Variants in INSR observed in about 807,000 individuals in gnomAD.
INSR encodes the protein IR.
A neutral mutation model predicts 142.6 loss-of-function variants in INSR; 67 were observed. The ratio of observed to expected loss-of-function variants is 0.47; its 90% CI spans 0.39 to 0.58. The LOEUF is 0.58. Among genes scored for constraint, INSR ranks in the 20% least tolerant of loss-of-function variants. The pLI is 0.00. For synonymous variants in INSR, 756 were observed against 743.1 expected (o/e 1.02, Z -0.28); for missense variants, 1,248 against 1,833.2 (o/e 0.68, Z 5.83).
Position 7,199,102 on chromosome 19 carries a change from A to C in INSR, c.653-14465T>G, listed in dbSNP as rs913235966. Among the ~76,000 whole-genome samples, 13 of 152,108 alleles carry C rather than the reference A, an allele frequency of 8.5e-5. No individual in the cohort carries two copies. The South Asian group carries it at 1.2e-3, about 15-fold the overall frequency. ...GGACTCGTTGCCCAGGCTGGTTTAGAACTCCTGGCCTCAAGTGATCCTCTT... is the reference window on the plus strand; with the variant it reads ...GGACTCGTTGCCCAGGCTGGTTTAGCACTCCTGGCCTCAAGTGATCCTCTT... On this transcript the variant is annotated intron_variant, in intron 2 of 21. Coordinates refer to ENST00000302850, the MANE Select transcript of INSR (RefSeq NM_000208.4).
At chr19:7,172,636 T>G (rs1315203776) in intron 4 of INSR, among the ~76,000 whole-genome samples, 1 of 152,196 alleles carries the variant, frequency 6.6e-6, no homozygotes, top group Admixed American at 6.5e-5. Context: ...ACCTTGGCAC[T>G]GGCTGCGTCT....
chr19:7,176,578 G>A (rs955403444), intron 3 of INSR, among the ~76,000 whole-genome samples: 18 of 152,178 alleles, frequency 1.2e-4, no homozygotes, highest in African/African-American at 4.1e-4. Context: ...CCCAGCCTGG[G>A]TGACAGAGTG....
intron 2 of INSR, among the ~76,000 whole-genome samples, chr19:7,234,808 C>A (rs1976106596): frequency 6.6e-6 from 1 of 151,954 alleles, no homozygotes. Context: ...GCCTGTAATC[C>A]CAACACTTTG....
Position 7,213,760 on chromosome 19 carries a change from C to A in INSR, c.653-29123G>T, listed in dbSNP as rs563379436. Among the ~76,000 whole-genome samples, 116 of 152,324 alleles carry A rather than the reference C, an allele frequency of 7.6e-4. 1 individual carries two copies. Among genetic ancestry groups the A allele is most frequent in the African/African-American group, 2.7e-3 (111 of 41,562 alleles). On this transcript the variant is annotated intron_variant, in intron 2 of 21. Coordinates refer to ENST00000302850, the MANE Select transcript of INSR (RefSeq NM_000208.4). ...ATCCCAGCCCTTTGGGAGGCTGAGG[C>A]TGGTGAGTCACGAAGTCAGGAGTTC...
At chr19:7,202,817 T>C (rs1185446089) in intron 2 of INSR, among the ~76,000 whole-genome samples, 1 of 152,090 alleles carries the variant, frequency 6.6e-6, no homozygotes, top group Non-Finnish European at 1.5e-5. Flanking sequence ...GGTTTTTTTG[T>C]TTTTGTTTTT....
In INSR at chr19:7,125,527, A is replaced by G; in HGVS notation, c.3014T>C (p.Val1005Ala). Residue 1005 changes from valine to alanine, a missense_variant and splice_region_variant, in exon 17 of 22, where the codon GTG becomes GCG. This residue lies in a region of INSR where 1,069 missense variants were observed against 1,654.0 expected (regional missense o/e 0.65). Coordinates refer to ENST00000302850, the MANE Select transcript of INSR (RefSeq NM_000208.4). This position sits in a 1 kb window ranked among gnomAD's most constrained non-coding sequence, Gnocchi z 4.9. ...CGGCACGTACACAGAGCATGGAAAC[A>G]CTACTTCTTACTTATCTACACAGCA... ...SNPEYLSASD[V>A]FPCSVYVPDE... The G allele has an allele frequency of 6.2e-7, 1 of 1,613,082 alleles. No homozygotes were observed. Among genetic ancestry groups the G allele is most frequent in the Non-Finnish European group, 8.5e-7 (1 of 1,179,946 alleles).
chr19:7,286,735 C>T (rs928644411), intron 1 of INSR, among the ~76,000 whole-genome samples: 2 of 151,568 alleles, frequency 1.3e-5, no homozygotes, highest in African/African-American at 4.8e-5. Flanking sequence ...TTCCTTTCTA[C>T]ACTTTTGTAA....
chr19:7,220,477 C>T lies in INSR; in HGVS notation c.653-35840G>A, dbSNP rs1193908401. ...CTAATTTTTGTATTTTAAGTAGAGA[C>T]GGGGTTTCGCCATGTTGGCCAGGCT... is the stretch of plus-strand genomic sequence containing the variant. On this transcript the variant is annotated intron_variant, in intron 2 of 21. Coordinates refer to ENST00000302850, the MANE Select transcript of INSR (RefSeq NM_000208.4). 5.3e-5 allele frequency among the ~76,000 whole-genome samples: 8 copies of T among 152,130 alleles called. 2 individuals carry two copies. The highest frequency in any genetic ancestry group is 2.6e-4 in the Admixed American group (4 of 15,268).
chr19:7,265,187 G>A (rs1242474506), intron 2 of INSR, among the ~76,000 whole-genome samples: 1 of 152,152 alleles, frequency 6.6e-6, no homozygotes, highest in African/African-American at 2.4e-5. Context: ...TTGCCTCCTT[G>A]AGCATGAAAA....
At chr19:7,272,124 G>A (rs1035250678) in intron 1 of INSR, among the ~76,000 whole-genome samples, 2 of 152,128 alleles carry the variant, frequency 1.3e-5, no homozygotes, top group African/African-American at 4.8e-5. Flanking sequence ...CCAACATGGT[G>A]AAACCCCATC....
chr19:7,224,662 G>C (rs1376924838), intron 2 of INSR, among the ~76,000 whole-genome samples: 1 of 152,190 alleles, frequency 6.6e-6, no homozygotes. Context: ...TGGGCGAAGG[G>C]GCCAAGAAGC....
chr19:7,162,326 CAAAAAAA>C (rs34182944), intron 9 of INSR, among the ~76,000 whole-genome samples: 1 of 63,098 alleles, frequency 1.6e-5, no homozygotes, highest in South Asian at 5.1e-4. Context: ...GACCCTGTCT[CAAAAAAA>C]AAAAAAAAAA....
intron 2 of INSR, among the ~76,000 whole-genome samples, chr19:7,233,486 C>T (rs17175790): frequency 0.063 from 9,511 of 151,998 alleles, 371 homozygotes; most frequent in Non-Finnish European, 0.086. Flanking sequence ...TCAGAAACTT[C>T]TACAAGCAAG....
chr19:7,218,251 G>A (rs1216615939), intron 2 of INSR, among the ~76,000 whole-genome samples: 3 of 151,934 alleles, frequency 2.0e-5, no homozygotes, highest in Non-Finnish European at 2.9e-5. Flanking sequence ...CTAGTGGGGG[G>A]AGGCCAGGGA....
chr19:7,151,162 C>CTTTCTT (rs1359040007), intron 10 of INSR, among the ~76,000 whole-genome samples: 1,427 of 45,812 alleles, frequency 0.031, 19 homozygotes, highest in African/African-American at 0.046. Context: ...TTCTTTCTTT[C>CTTTCTT]TCTTTCTTTC....
Position 7,113,784 on chromosome 19 carries a change from C to G in INSR, c.*3272G>C, listed in dbSNP as rs1437667795. On this transcript the variant is annotated 3_prime_UTR_variant, in exon 22 of 22. Transcript: ENST00000302850. ...GTTTGCAACCCAATAGCTGTTTGCTCTTTTCACTGTGGCAGTAGAGTCAAA... is the reference window on the plus strand; with the variant it reads ...GTTTGCAACCCAATAGCTGTTTGCTGTTTTCACTGTGGCAGTAGAGTCAAA... 1 of 152,098 alleles carries G rather than the reference C, an allele frequency of 6.6e-6. No homozygotes were observed. The highest frequency in any genetic ancestry group is 1.5e-5 in the Non-Finnish European group (1 of 68,020). The allele number at this position is 152,098 out of a possible 1,614,324, so 9.4% of individuals were successfully genotyped here.
chr19:7,269,216 A>AT (rs1028652154), intron 1 of INSR, among the ~76,000 whole-genome samples: 1 of 151,786 alleles, frequency 6.6e-6, no homozygotes, highest in African/African-American at 2.4e-5. Context: ...CCTCTAAAAA[A>AT]AAAAAAAATC....
At position 7,117,278 on chromosome 19, in the gene INSR, G is replaced by C. The variant is rs1972358558; in HGVS notation, c.3927C>G (p.Asn1309Lys). 6.2e-7 allele frequency: 1 copy of C among 1,614,214 alleles called. No individual in the cohort carries two copies. Among genetic ancestry groups the C allele is most frequent in the Non-Finnish European group, 8.5e-7 (1 of 1,180,026 alleles). ...PEVSFFHSEENKAPESEELEM... is the reference protein window; with the variant it reads ...PEVSFFHSEEKKAPESEELEM... ...CCAGCTCCTCACTCTCGGGAGCCTTGTTCTCCTCGCTGTGGAAGAACGACA... is the reference window on the plus strand; with the variant it reads ...CCAGCTCCTCACTCTCGGGAGCCTTCTTCTCCTCGCTGTGGAAGAACGACA... Residue 1309 changes from asparagine (N) to lysine (K), a missense_variant, in exon 22 of 22, where the codon AAC becomes AAG. Coordinates refer to ENST00000302850, the MANE Select transcript of INSR (RefSeq NM_000208.4).
rs1438503120 is a variant in INSR, at chr19:7,267,327, C to G, written c.652+18G>C. The G allele has an allele frequency of 3.7e-5, 59 of 1,613,178 alleles. No individual in the cohort carries two copies. The highest frequency in any genetic ancestry group is 4.7e-5 in the Non-Finnish European group (55 of 1,179,492). ...CAAGGCACGAGACACTGCTTAGAAC[C>G]CTGTATCCCCGGCGTACCTTTCTGG... On this transcript the variant is annotated intron_variant, in intron 2 of 21. Transcript: ENST00000302850. This position sits in a 1 kb window ranked among gnomAD's most constrained non-coding sequence, Gnocchi z 6.3.
Sources: gnomAD v4.1 joint callset for allele counts (sites outside exome capture counted in the v4.1 genomes callset) on GRCh38, gnomAD v4.1.1 for gene constraint, gnomAD v4.1.1 regional missense constraint, Gnocchi (gnomAD v3.1) non-coding constraint, MANE v1.5 for transcripts, NCBI Gene and HGNC (gene_info 2026-07-23, HGNC 2026-07-21) for gene names.